Variants in BAIAP2L1 observed in about 807,000 individuals in gnomAD.
The protein encoded by BAIAP2L1 is BAR/IMD domain containing adaptor protein 2 like 1.
BAIAP2L1 carries 35 observed loss-of-function variants against 66.3 expected under a neutral mutation model. The observed-to-expected ratio is 0.53, with a 90% CI of 0.40 to 0.70. The LOEUF (loss-of-function observed/expected upper bound fraction) is 0.70, where lower values mean the gene tolerates loss of function less well. BAIAP2L1 is among the 30% of genes least tolerant of loss of function. The pLI, the probability that BAIAP2L1 is intolerant of heterozygous loss-of-function variation, is 0.00. For missense variants in BAIAP2L1, 622 were observed against 656.9 expected, an observed-to-expected ratio of 0.95 and a Z score of 0.58; for synonymous variants, 269 against 248.7, an observed-to-expected ratio of 1.08 and a Z score of -0.77.
chr7:98,352,397 T>A (rs1802018964), intron 3 of BAIAP2L1, among the ~76,000 whole-genome samples: 1 of 152,128 alleles, frequency 6.6e-6, no homozygotes, highest in African/African-American at 2.4e-5. Flanking sequence ...ATCCTAGCAT[T>A]TTGAGAGGCG....
At position 98,293,399 on chromosome 7, in the gene BAIAP2L1, G is replaced by A. The variant is rs1800049119; in HGVS notation, c.*122C>T. 5.7e-6 allele frequency: 5 copies of A among 874,784 alleles called. No individual in the cohort carries two copies. Among genetic ancestry groups the A allele is most frequent in the Non-Finnish European group, 9.1e-6 (5 of 549,184 alleles). The allele number at this position is 874,784 out of a possible 1,614,324, so 54.2% of individuals were successfully genotyped here. A position where few individuals can be genotyped will look rare whatever the true frequency, so the allele number is the denominator to read the frequency against. On this transcript the variant is annotated 3_prime_UTR_variant, in exon 14 of 14. Coordinates refer to ENST00000005260, the MANE Select transcript of BAIAP2L1 (RefSeq NM_018842.5). ...AGAGAAGCATGATTTGCTTAAGCAG[G>A]CGACATTAGAGTTAGGCCTCTCCAC...
Position 98,293,505 on chromosome 7 carries a change from G to A in BAIAP2L1, c.*16C>T, listed in dbSNP as rs747419847. On this transcript the variant is annotated 3_prime_UTR_variant, in exon 14 of 14. Transcript: ENST00000005260. ...GGGAGAACCGGAGAGGCCCGGGAGA[G>A]TCCTTGGCTGTCCTCTCATCGAATG... 2 of 1,610,334 alleles carry A rather than the reference G, an allele frequency of 1.2e-6. No individual in the cohort carries two copies.
intron 10 of BAIAP2L1, 85 bp downstream of exon 10, chr7:98,307,604 G>A: frequency 6.4e-7 from 1 of 1,565,214 alleles, no homozygotes; most frequent in Non-Finnish European, 8.7e-7. Context: ...ATGTGAGCAT[G>A]TCCACGAAGA....
At chr7:98,337,389 G>A (rs1801639872) in intron 3 of BAIAP2L1, among the ~76,000 whole-genome samples, 1 of 152,150 alleles carries the variant, frequency 6.6e-6, no homozygotes, top group African/African-American at 2.4e-5. Flanking sequence ...GTGCCATCAC[G>A]CTCAGCTAAT....
At chr7:98,297,827 C>T (rs768204561) in intron 12 of BAIAP2L1, among the ~76,000 whole-genome samples, 6 of 152,154 alleles carry the variant, frequency 3.9e-5, no homozygotes, top group Admixed American at 2.6e-4. Flanking sequence ...CGTGAGGGCG[C>T]GCTGTGAAAT....
intron 3 of BAIAP2L1, among the ~76,000 whole-genome samples, chr7:98,334,563 G>T (rs985477336): frequency 1.3e-5 from 2 of 151,668 alleles, no homozygotes; most frequent in Admixed American, 6.6e-5. Context: ...TTGTTTTTTT[G>T]AGACAGAGTC....
At chr7:98,307,494 A>C in intron 10 of BAIAP2L1, 195 bp downstream of exon 10, 4 of 1,431,590 alleles carry the variant, frequency 2.8e-6, no homozygotes, top group African/African-American at 1.4e-5. Flanking sequence ...GCATGCACCA[A>C]ATGTATCTCT....
intron 1 of BAIAP2L1, among the ~76,000 whole-genome samples, chr7:98,367,748 G>A (rs1471548833): frequency 1.3e-5 from 2 of 151,870 alleles, no homozygotes; most frequent in Non-Finnish European, 2.9e-5. Flanking sequence ...TAGCCAGGAT[G>A]GTCTCGATTT....
intron 3 of BAIAP2L1, among the ~76,000 whole-genome samples, chr7:98,337,930 CAAACAAAT>C (rs1801651071): frequency 6.6e-6 from 1 of 151,722 alleles, no homozygotes; most frequent in Admixed American, 6.6e-5. Flanking sequence ...AACAAACAAA[CAAACAAAT>C]ATGTACAGCT....
intron 12 of BAIAP2L1, among the ~76,000 whole-genome samples, chr7:98,295,179 A>C (rs1800136767): frequency 6.6e-6 from 1 of 152,202 alleles, no homozygotes; most frequent in Non-Finnish European, 1.5e-5. Flanking sequence ...CCGTTCCTGG[A>C]CATGGAGGCC....
chr7:98,376,017 T>C (rs1018535357), intron 1 of BAIAP2L1, among the ~76,000 whole-genome samples: 5 of 152,212 alleles, frequency 3.3e-5, no homozygotes, highest in African/African-American at 1.2e-4. Context: ...AAAAAATACT[T>C]ACATAAATCC....
At chr7:98,305,048 T>TC (rs1800594909) in intron 11 of BAIAP2L1, among the ~76,000 whole-genome samples, 1 of 42,136 alleles carries the variant, frequency 2.4e-5, no homozygotes, top group African/African-American at 1.6e-4. Flanking sequence ...TTGTTTTTTG[T>TC]TTTTTTTTTT....
In BAIAP2L1 at chr7:98,400,958, G is replaced by A. The variant is rs1303943369; in HGVS notation, c.-106C>T. On this transcript the variant is annotated 5_prime_UTR_variant, in exon 1 of 14. Transcript: ENST00000005260. The stretch of plus-strand genomic sequence containing the variant: ...GGGGCGCGACTAAGGGGCTCTGGAG[G>A]GTCGGCCGCCGCCGCAGCCGTCGGC... 1.6e-5 allele frequency: 17 copies of A among 1,063,790 alleles called. No individual in the cohort carries two copies. The South Asian group carries it at 3.8e-4, about 24-fold the overall frequency. 65.9% of individuals were successfully genotyped at this position (1,063,790 alleles called of 1,614,324 possible). A position where few individuals can be genotyped will look rare whatever the true frequency, so the allele number is the denominator to read the frequency against.
At chr7:98,301,057 C>T (rs1297781703) in intron 12 of BAIAP2L1, among the ~76,000 whole-genome samples, 3 of 152,262 alleles carry the variant, frequency 2.0e-5, no homozygotes, top group East Asian at 1.9e-4. Context: ...GGCTCTAGGC[C>T]GCCCAGTAGA....
At chr7:98,383,110 C>T (rs1802796497) in intron 1 of BAIAP2L1, among the ~76,000 whole-genome samples, 1 of 151,844 alleles carries the variant, frequency 6.6e-6, no homozygotes, top group African/African-American at 2.4e-5. Context: ...CTGCAATGAG[C>T]TGAGATGGCG....
rs762651885 is a variant in BAIAP2L1 at position 98,306,511 on chromosome 7, C to G, written c.1169G>C (p.Gly390Ala). The change falls in exon 11 of 14, where the codon GGT becomes GCT. Residue 390 changes from glycine to alanine, a missense_variant. Gly to Ala is a moderately conservative substitution (Grantham distance 60, BLOSUM62 0). Transcript: ENST00000005260. ...YGEHDVSKARGWFPSSYTKLL... is the reference protein window; with the variant it reads ...YGEHDVSKARAWFPSSYTKLL... ...CTTCGTGTACGACGACGGGAACCAA[C>G]CCCTCCTACCGGCAAAGAGGGAGAA... 6.2e-7 allele frequency: 1 copy of G among 1,614,130 alleles called. No individual in the cohort carries two copies. The highest frequency in any genetic ancestry group is 8.5e-7 in the Non-Finnish European group (1 of 1,180,046).
intron 3 of BAIAP2L1, among the ~76,000 whole-genome samples, chr7:98,325,942 T>C (rs1801372394): frequency 6.6e-6 from 1 of 152,178 alleles, no homozygotes; most frequent in Admixed American, 6.5e-5. Context: ...GAACCTGCAG[T>C]CCCTGGACGC....
intron 7 of BAIAP2L1, among the ~76,000 whole-genome samples, chr7:98,312,707 A>T (rs969753189): frequency 1.3e-5 from 2 of 152,110 alleles, no homozygotes; most frequent in African/African-American, 4.8e-5. Flanking sequence ...TTCAGACATT[A>T]GAGAAGTGAA....
intron 3 of BAIAP2L1, among the ~76,000 whole-genome samples, chr7:98,351,156 C>T (rs1342173586): frequency 6.6e-6 from 1 of 152,112 alleles, no homozygotes; most frequent in Non-Finnish European, 1.5e-5. Context: ...CCACTGTACC[C>T]GGCCACAATT....
Sources: gnomAD v4.1 joint callset for allele counts (sites outside exome capture counted in the v4.1 genomes callset) on GRCh38, gnomAD v4.1.1 for gene constraint, MANE v1.5 for transcripts, NCBI Gene and HGNC (gene_info 2026-07-23, HGNC 2026-07-21) for gene names.